CYLC2: variants seen among roughly 807,000 people sequenced by gnomAD.
CYLC2 encodes the protein cylicin 2.
In CYLC2, 30 loss-of-function variants were observed where a neutral mutation model predicts 26.1. The ratio of observed to expected loss-of-function variants is 1.15; its 90% CI spans 0.86 to 1.56. The LOEUF (loss-of-function observed/expected upper bound fraction) is 1.56, where lower values mean the gene tolerates loss of function less well. CYLC2 is among the 40% of genes most tolerant of loss of function. The probability of loss-of-function intolerance (pLI) is 0.00; values close to 1 mark genes in which losing one functional copy is unlikely to be tolerated. For synonymous variants in CYLC2, 158 were observed against 132.8 expected, an observed-to-expected ratio of 1.19 and a Z score of -1.31; for missense variants, 498 against 394.4, an observed-to-expected ratio of 1.26 and a Z score of -2.23.
intron 2 of CYLC2, 23 bp from the exon 3 acceptor site, chr9:103,003,119 G>A: frequency 6.2e-7 from 1 of 1,611,856 alleles, no homozygotes; most frequent in Admixed American, 1.7e-5. Context: ...TCCAAAATGT[G>A]TTTTTTGTCT....
At chr9:103,001,686 T>A in intron 2 of CYLC2, 68 bp downstream of exon 2, 1 of 985,736 alleles carries the variant, frequency 1.0e-6, no homozygotes, top group Non-Finnish European at 1.5e-6. Flanking sequence ...TTATCCTCTA[T>A]TCAAAGTGAT....
At chr9:103,001,191 AGAGAATTTG>A (rs1169278463) in intron 1 of CYLC2, among the ~76,000 whole-genome samples, 1 of 151,802 alleles carries the variant, frequency 6.6e-6, no homozygotes, top group Non-Finnish European at 1.5e-5. Context: ...TTCAATTAAG[AGAGAATTTG>A]GAGCATGAAC....
chr9:102,997,431 A>G (rs1564095808), intron 1 of CYLC2, among the ~76,000 whole-genome samples: 1 of 152,050 alleles, frequency 6.6e-6, no homozygotes, highest in South Asian at 2.1e-4. Flanking sequence ...CTAGAGAAAG[A>G]CAGAGAATCT....
chr9:103,005,821 A>G lies in CYLC2; in HGVS notation c.*143A>G, dbSNP rs1263435566. The G allele has an allele frequency of 3.4e-6, 3 of 883,710 alleles. No individual in the cohort carries two copies. Among genetic ancestry groups the G allele is most frequent in the Non-Finnish European group, 5.2e-6 (3 of 574,296 alleles). The allele number at this position is 883,710 out of a possible 1,614,324, so 54.7% of individuals were successfully genotyped here. ...TTTAAAAGGTGGTAAAGAAGGATAC[A>G]AAGGAGAACTCAGCAGAGATTTATA... is the stretch of plus-strand genomic sequence containing the variant. On this transcript the variant is annotated 3_prime_UTR_variant, in exon 5 of 8. Coordinates refer to ENST00000374798, the MANE Select transcript of CYLC2 (RefSeq NM_001340.5).
In CYLC2 at chr9:103,003,256, C is replaced by T. The variant is rs143032108; in HGVS notation, c.173C>T (p.Thr58Met). 4.5e-5 allele frequency: 73 copies of T among 1,612,392 alleles called. No homozygotes were observed. Among genetic ancestry groups the T allele is most frequent in the African/African-American group, 4.0e-4 (30 of 74,918 alleles). ...RSKPSQIRDN[T>M]VSIIDEEQLR... ...AAACCTTCTCAAATACGGGACAACA[C>T]GGTTTCTGTAAGCATTGGAAAGATT... The change falls in exon 3 of 8, where the codon ACG becomes ATG. Residue 58 changes from threonine to methionine, a missense_variant. Physicochemically the swap from Thr to Met is moderately conservative, Grantham distance 81 (BLOSUM62 -1). Transcript: ENST00000374798.
At chr9:103,008,655 C>G (rs1829375717) in intron 5 of CYLC2, among the ~76,000 whole-genome samples, 1 of 152,010 alleles carries the variant, frequency 6.6e-6, no homozygotes, top group African/African-American at 2.4e-5. Context: ...TGAGTCATCC[C>G]TAATTACTCT....
At position 103,005,053 on chromosome 9, in the gene CYLC2, C is replaced by G; in HGVS notation, c.422C>G (p.Ser141Ter). ...ESELKQGKKD[S>*]KKGKDIEKGK... ...GAATTAAAACAAGGAAAAAAAGATTCAAAGAAAGGCAAGGATATAGAGAAA... is the reference window on the plus strand; with the variant it reads ...GAATTAAAACAAGGAAAAAAAGATTGAAAGAAAGGCAAGGATATAGAGAAA... The change falls in exon 5 of 8, where the codon TCA (serine) becomes TGA (stop). Residue 141 changes from serine (S) to a stop codon, truncating the protein, a stop_gained. Coordinates refer to ENST00000374798, the MANE Select transcript of CYLC2 (RefSeq NM_001340.5). LOFTEE classifies it high-confidence loss of function. The G allele has an allele frequency of 6.3e-7, 1 of 1,597,480 alleles. No homozygotes were observed. Among genetic ancestry groups the G allele is most frequent in the South Asian group, 1.1e-5 (1 of 88,760 alleles).
At chr9:103,013,346 A>AT (rs1167462161) in intron 6 of CYLC2, among the ~76,000 whole-genome samples, 511 of 16,240 alleles carry the variant, frequency 0.031, 21 homozygotes, top group African/African-American at 0.093. Flanking sequence ...ATATTATATA[A>AT]ATATATATTA....
chr9:103,011,451 C>A (rs1829405942), intron 5 of CYLC2, among the ~76,000 whole-genome samples: 1 of 151,992 alleles, frequency 6.6e-6, no homozygotes, highest in Non-Finnish European at 1.5e-5. Context: ...GGTTGAGGAA[C>A]TTAAGCTATT....
At chr9:102,997,286 C>G (rs1829247653) in intron 1 of CYLC2, among the ~76,000 whole-genome samples, 1 of 151,940 alleles carries the variant, frequency 6.6e-6, no homozygotes, top group Non-Finnish European at 1.5e-5. Flanking sequence ...TCTCTACCAA[C>G]TAGATGCTAG....
chr9:103,005,630 G>T lies in CYLC2; in HGVS notation c.999G>T (p.Lys333Asn), dbSNP rs1829338673. 1 of 1,612,734 alleles carries T rather than the reference G, an allele frequency of 6.2e-7. No individual in the cohort carries two copies. Among genetic ancestry groups the T allele is most frequent in the Non-Finnish European group, 8.5e-7 (1 of 1,179,596 alleles). Reference sequence around the variant, plus strand: ...AGGATGCAAAGAAGGATGCAAAGAAGAATGCAAAGAAGGATGAAAAGAAGG... The same window carrying T: ...AGGATGCAAAGAAGGATGCAAAGAATAATGCAAAGAAGGATGAAAAGAAGG... ...AKKDAKKDAKKNAKKDEKKDA... is the reference protein window; with the variant it reads ...AKKDAKKDAKNNAKKDEKKDA... Residue 333 changes from lysine to asparagine, a missense_variant, in exon 5 of 8, where the codon AAG becomes AAT. Lys to Asn is a moderately conservative substitution (Grantham distance 94). Coordinates refer to ENST00000374798, the MANE Select transcript of CYLC2 (RefSeq NM_001340.5).
intron 1 of CYLC2, among the ~76,000 whole-genome samples, chr9:103,001,119 A>T (rs1393666868): frequency 2.6e-5 from 4 of 152,040 alleles, no homozygotes; most frequent in Non-Finnish European, 5.9e-5. Context: ...GTTTTTTGAG[A>T]CTATTTTGAG....
At chr9:103,016,271 A>G (rs74945355) in intron 6 of CYLC2, among the ~76,000 whole-genome samples, 2,180 of 152,030 alleles carry the variant, frequency 0.014, 57 homozygotes, top group African/African-American at 0.048. Context: ...CTGATAAATT[A>G]TTGGGTAAAC....
chr9:103,001,257 A>AT, intron 1 of CYLC2, among the ~76,000 whole-genome samples: 1 of 142,606 alleles, frequency 7.0e-6, no homozygotes, highest in Non-Finnish European at 1.5e-5. Context: ...TTAAATGTAT[A>AT]TTTTCAGATG....
At chr9:103,004,647 G>GT in intron 3 of CYLC2, 48 bp from the exon 4 acceptor site, 1 of 1,331,720 alleles carries the variant, frequency 7.5e-7, no homozygotes, top group Non-Finnish European at 1.0e-6. Flanking sequence ...AATACAAACT[G>GT]TGTTATTCAC....
rs1564097464 is a variant in CYLC2 at position 103,004,694 on chromosome 9, G to C, written c.181-1G>C. On this transcript the variant is annotated splice_acceptor_variant, in intron 3 of 7. Coordinates refer to ENST00000374798, the MANE Select transcript of CYLC2 (RefSeq NM_001340.5). LOFTEE classifies it high-confidence loss of function. The stretch of plus-strand genomic sequence containing the variant: ...TCATCATTATTGTAACCATCTTTCA[G>C]ATAATTGATGAAGAACAATTAAGAG... 3 of 1,583,974 alleles carry C rather than the reference G, an allele frequency of 1.9e-6. No homozygotes were observed. Among genetic ancestry groups the C allele is most frequent in the Admixed American group, 1.9e-5 (1 of 52,036 alleles).
In CYLC2 at chr9:103,003,440, G is replaced by A. The variant is rs2298049; in HGVS notation, c.180+177G>A. Among the ~76,000 whole-genome samples, 1,677 of 152,120 alleles carry A rather than the reference G, an allele frequency of 0.011. 103 individuals are homozygous for A. The East Asian group carries it at 0.2, about 18-fold the overall frequency. On this transcript the variant is annotated intron_variant, in intron 3 of 7. Transcript: ENST00000374798. ...TGACCAACAAGTTTCTGCAATGATG[G>A]GAATATTTATCTCCGTAGTCCAATG...
chr9:103,002,357 C>CCCTTTTTTTTTTTTTTTTTTT (rs1564096841), intron 2 of CYLC2, among the ~76,000 whole-genome samples: 1 of 77,620 alleles, frequency 1.3e-5, no homozygotes, highest in Non-Finnish European at 2.3e-5. Flanking sequence ...CATTTGCCCC[C>CCCTTTTTTTTTTTTTTTTTTT]TTTTTTTTTT....
intron 6 of CYLC2, among the ~76,000 whole-genome samples, chr9:103,015,343 T>C (rs894964938): frequency 8.5e-5 from 11 of 130,140 alleles, no homozygotes; most frequent in African/African-American, 3.1e-4. Flanking sequence ...TATTATGTTA[T>C]ATATATTATA....
Sources: allele counts gnomAD v4.1 joint callset (sites outside exome capture counted in the v4.1 genomes callset), GRCh38; gene constraint gnomAD v4.1.1; transcripts MANE v1.5; gene names NCBI Gene and HGNC (gene_info 2026-07-23, HGNC 2026-07-21).